The following SGCD variants were observed in gnomAD, a reference collection of about 807,000 sequenced individuals.
SGCD encodes the protein delta-sarcoglycan.
Under a neutral mutation model 36.6 loss-of-function variants are expected in SGCD, and 18 were observed. The ratio of observed to expected loss-of-function variants is 0.49; its 90% CI spans 0.34 to 0.73. SGCD has a LOEUF of 0.73. Among genes scored for constraint, SGCD ranks in the 30% least tolerant of loss-of-function variants. SGCD has a pLI of 0.01. For missense variants in SGCD, 387 were observed against 346.7 expected (o/e 1.12, Z -0.92); for synonymous variants, 133 against 130.6 (o/e 1.02, Z -0.12).
At chr5:156,589,196 C>A in intron 4 of SGCD, 35 bp from the exon 5 acceptor site, 2 of 1,416,218 alleles carry the variant, frequency 1.4e-6, no homozygotes, top group Non-Finnish European at 2.0e-6. Context: ...AGAAATCTAT[C>A]ATTTTCATGT....
chr5:156,061,799 G>C (rs1760214545), intron 1 of SGCD, among the ~76,000 whole-genome samples: 1 of 145,246 alleles, frequency 6.9e-6, no homozygotes, highest in African/African-American at 2.5e-5. Flanking sequence ...TAGATGAACT[G>C]ACAGTTTGGG....
intron 3 of SGCD, among the ~76,000 whole-genome samples, chr5:156,219,658 T>C (rs1282468212): frequency 6.6e-6 from 1 of 152,202 alleles, no homozygotes; most frequent in East Asian, 1.9e-4. Context: ...ATACTAAAAA[T>C]AGAAGCCAAA....
intron 6 of SGCD, among the ~76,000 whole-genome samples, chr5:156,618,202 G>A (rs1762092843): frequency 6.6e-6 from 1 of 152,150 alleles, no homozygotes; most frequent in Admixed American, 6.5e-5. Context: ...GGAAATGAGA[G>A]CCTACGAATC....
rs968165408 is a variant in SGCD, at chr5:156,052,042, A to G, written c.-281-65836A>G. 2.7e-5 allele frequency among the ~76,000 whole-genome samples: 4 copies of G among 146,426 alleles called. 1 individual carries two copies. The Middle Eastern group carries it at 0.01, about 374-fold the overall frequency. ...AGACAGTTTAAAGGGTAAGTAAAGC[A>G]GGATTTTATTGGGTGAAAAAGGGAA... On this transcript the variant is annotated intron_variant, in intron 1 of 9. Coordinates refer to the SGCD transcript ENST00000517913.
chr5:156,322,570 G>A (rs189463757), upstream of SGCD, among the ~76,000 whole-genome samples: 54 of 152,304 alleles, frequency 3.5e-4, no homozygotes, highest in Middle Eastern at 3.4e-3. Context: ...GGACTGTTGG[G>A]TCTCAGGGTT....
chr5:156,070,399 T>C (rs1760508694), intron 1 of SGCD, among the ~76,000 whole-genome samples: 1 of 151,566 alleles, frequency 6.6e-6, no homozygotes, highest in South Asian at 2.1e-4. Context: ...CATGTGGTTT[T>C]TGTCTTTGGT....
intron 4 of SGCD, among the ~76,000 whole-genome samples, chr5:156,545,505 T>C (rs529872270): frequency 6.6e-6 from 1 of 152,218 alleles, no homozygotes; most frequent in African/African-American, 2.4e-5. Context: ...TAGTTGGGGA[T>C]GGTTTCAGAA....
At chr5:156,026,365 G>A (rs1759226144) in intron 1 of SGCD, among the ~76,000 whole-genome samples, 1 of 152,184 alleles carries the variant, frequency 6.6e-6, no homozygotes, top group Non-Finnish European at 1.5e-5. Flanking sequence ...TAAATGTTCT[G>A]AGGGAAGTGG....
intron 3 of SGCD, among the ~76,000 whole-genome samples, chr5:156,482,399 G>A (rs552349667): frequency 6.6e-6 from 1 of 152,266 alleles, no homozygotes; most frequent in East Asian, 1.9e-4. Context: ...TCACTTTGTT[G>A]TTAGTGTTTT....
chr5:156,594,041 C>G (rs1321064806), intron 5 of SGCD, among the ~76,000 whole-genome samples: 1 of 152,120 alleles, frequency 6.6e-6, no homozygotes, highest in Admixed American at 6.6e-5. Context: ...TGTAGACCAG[C>G]TTTTGAGAAC....
upstream of SGCD, among the ~76,000 whole-genome samples, chr5:155,868,599 G>C (rs895001318): frequency 6.6e-6 from 1 of 152,030 alleles, no homozygotes; most frequent in African/African-American, 2.4e-5. Flanking sequence ...AATGATGACC[G>C]TGCCTAAGGA....
intron 1 of SGCD, among the ~76,000 whole-genome samples, chr5:155,993,026 A>T (rs1758465623): frequency 6.6e-6 from 1 of 152,148 alleles, no homozygotes; most frequent in African/African-American, 2.4e-5. Flanking sequence ...CAAGGCCAGG[A>T]TCTAAATAGA....
At chr5:155,975,622 T>C in intron 1 of SGCD, among the ~76,000 whole-genome samples, 1 of 85,438 alleles carries the variant, frequency 1.2e-5, no homozygotes, top group Non-Finnish European at 2.3e-5. Context: ...TTTTTTTTTT[T>C]TTTTTTTTTT....
chr5:155,999,671 G>C (rs114418252), intron 1 of SGCD, among the ~76,000 whole-genome samples: 1 of 152,068 alleles, frequency 6.6e-6, no homozygotes, highest in African/African-American at 2.4e-5. Context: ...GGTGTCTTTC[G>C]TCTTCCTTAG....
intron 4 of SGCD, among the ~76,000 whole-genome samples, chr5:156,587,373 C>T (rs1201680712): frequency 6.6e-6 from 1 of 152,194 alleles, no homozygotes; most frequent in Admixed American, 6.5e-5. Flanking sequence ...GGAAAATATA[C>T]TACACTGTAG....
At chr5:156,441,743 A>G (rs1055657023) in intron 3 of SGCD, among the ~76,000 whole-genome samples, 2 of 152,164 alleles carry the variant, frequency 1.3e-5, no homozygotes, top group Admixed American at 1.3e-4. Context: ...TAGCCTAGAA[A>G]TGTGTGTGGA....
the SGCD span, among the ~76,000 whole-genome samples, chr5:155,820,507 AAAAT>A: frequency 2.6e-5 from 4 of 152,204 alleles, no homozygotes; most frequent in South Asian, 2.1e-4. Flanking sequence ...TAAAAATAAA[AAAAT>A]AAATAAATGA....
intron 1 of SGCD, among the ~76,000 whole-genome samples, chr5:155,948,650 T>C (rs1476450230): frequency 6.6e-6 from 1 of 152,202 alleles, no homozygotes; most frequent in Non-Finnish European, 1.5e-5. Flanking sequence ...TTATGAAGCC[T>C]GGGATTTGCT....
intron 3 of SGCD, among the ~76,000 whole-genome samples, chr5:156,380,012 A>T (rs1310783356): frequency 6.6e-6 from 1 of 152,122 alleles, no homozygotes; most frequent in Non-Finnish European, 1.5e-5. Flanking sequence ...ATAAGAACAA[A>T]GAATTCCAAA....
Sources: allele counts gnomAD v4.1 joint callset (sites outside exome capture counted in the v4.1 genomes callset), GRCh38; gene constraint gnomAD v4.1.1; transcripts MANE v1.5; gene names NCBI Gene and HGNC (gene_info 2026-07-23, HGNC 2026-07-21).